Variants in TBL1X observed in about 807,000 individuals in gnomAD.
TBL1X encodes F-box-like/WD repeat-containing protein TBL1X.
In TBL1X, 10 loss-of-function variants were observed where a neutral mutation model predicts 50.7. That is an observed-to-expected ratio of 0.20 (90% CI 0.12 to 0.33). TBL1X has a LOEUF of 0.33. TBL1X is among the 10% of genes least tolerant of loss of function. The pLI, the probability that TBL1X is intolerant of heterozygous loss-of-function variation, is 1.00. For synonymous variants in TBL1X, 190 were observed against 214.7 expected, an observed-to-expected ratio of 0.88 and a Z score of 1.01; for missense variants, 340 against 504.4, an observed-to-expected ratio of 0.67 and a Z score of 3.12.
intron 2 of TBL1X, among the ~76,000 whole-genome samples, chrX:9,521,027 G>A (rs964428752): frequency 4.5e-5 from 5 of 111,570 alleles, no homozygotes; most frequent in African/African-American, 1.3e-4. Context: ...GACCCCAGGA[G>A]TTGGAGGATG....
At chrX:9,605,888 C>A (rs912207389) in intron 2 of TBL1X, among the ~76,000 whole-genome samples, 3 of 112,255 alleles carry the variant, frequency 2.7e-5, no homozygotes, top group Non-Finnish European at 3.8e-5. Flanking sequence ...TCTCTCATTT[C>A]CACCAATGCA....
chrX:9,660,371 G>T (rs1000172567), intron 5 of TBL1X, among the ~76,000 whole-genome samples: 1 of 112,327 alleles, frequency 8.9e-6, no homozygotes, highest in Non-Finnish European at 1.9e-5. Context: ...CCGGCACAGG[G>T]ATGTTACCAA....
At chrX:9,481,256 T>G (rs1020429071) in intron 1 of TBL1X, among the ~76,000 whole-genome samples, 1 of 112,467 alleles carries the variant, frequency 8.9e-6, no homozygotes, top group African/African-American at 3.2e-5. Context: ...TTACATGGAC[T>G]GAAGTAATGG....
intron 1 of TBL1X, among the ~76,000 whole-genome samples, chrX:9,487,784 C>T (rs760721018): frequency 1.8e-5 from 2 of 111,069 alleles, no homozygotes; most frequent in Non-Finnish European, 3.8e-5. Flanking sequence ...TCTTGTGTTG[C>T]ATCTTTTGGG....
chrX:9,612,382 G>C (rs893499276), intron 2 of TBL1X, among the ~76,000 whole-genome samples: 1 of 111,458 alleles, frequency 9.0e-6, no homozygotes, highest in African/African-American at 3.3e-5. Flanking sequence ...CTATCCAGTA[G>C]CAGCAGATTG....
intron 2 of TBL1X, among the ~76,000 whole-genome samples, chrX:9,588,759 C>T (rs908969554): frequency 2.7e-5 from 3 of 109,718 alleles, no homozygotes; most frequent in Non-Finnish European, 3.8e-5. Context: ...CACACCACCA[C>T]GCCCGGCTAA....
intron 2 of TBL1X, among the ~76,000 whole-genome samples, chrX:9,635,423 T>TG (rs746338678): frequency 8.3e-5 from 9 of 108,306 alleles, no homozygotes; most frequent in South Asian, 4.1e-4. Context: ...TGCTTCTGAG[T>TG]GGGAAAAAAA....
chrX:9,552,540 A>G (rs904411810), intron 2 of TBL1X, among the ~76,000 whole-genome samples: 2 of 111,703 alleles, frequency 1.8e-5, no homozygotes, highest in African/African-American at 6.5e-5. Context: ...GTAGGAGGCC[A>G]TAGACCTTGT....
In TBL1X at chrX:9,706,024, T is replaced by TG. The variant is rs945730873; in HGVS notation, c.1236+918dup. On this transcript the variant is annotated intron_variant, in intron 13 of 17. Transcript: ENST00000645353. ...GAGCAGGGGCAAGAGGTGGGAGGAGTGGGGGGGGTGTCACATACTTTTAAA... is the reference window on the plus strand; with the variant it reads ...GAGCAGGGGCAAGAGGTGGGAGGAGTGGGGGGGGGTGTCACATACTTTTAAA... Among the ~76,000 whole-genome samples, 70 of 106,856 alleles carry TG rather than the reference T, an allele frequency of 6.6e-4. No homozygotes were observed. In the East Asian group the frequency reaches 6.8e-3, roughly 10 times the overall value. The allele number at this position is 106,856 out of a possible 115,157, so 92.8% of individuals were successfully genotyped here. A position where few individuals can be genotyped will look rare whatever the true frequency, so the allele number is the denominator to read the frequency against.
At chrX:9,652,644 T>G (rs1198017552) in intron 3 of TBL1X, among the ~76,000 whole-genome samples, 1 of 109,877 alleles carries the variant, frequency 9.1e-6, no homozygotes, top group Non-Finnish European at 1.9e-5. Flanking sequence ...ATCGCTTGAG[T>G]TCAGAAGCTG....
intron 16 of TBL1X, among the ~76,000 whole-genome samples, chrX:9,712,334 T>G (rs1239448248): frequency 8.9e-6 from 1 of 111,856 alleles, no homozygotes; most frequent in Non-Finnish European, 1.9e-5. Flanking sequence ...TGTTGTTGTT[T>G]TTTGTTTTTG....
chrX:9,528,157 C>T (rs186234780), intron 2 of TBL1X, among the ~76,000 whole-genome samples: 34 of 111,218 alleles, frequency 3.1e-4, no homozygotes, highest in African/African-American at 8.8e-4. Context: ...TCCCTTCCCC[C>T]GCAGCCCCTG....
Position 9,523,960 on chromosome X carries a change from C to CTT in TBL1X, c.-131+22136_-131+22137dup, listed in dbSNP as rs63038662. Among the ~76,000 whole-genome samples, 58 of 40,811 alleles carry CTT rather than the reference C, an allele frequency of 1.4e-3. 2 individuals are homozygous for CTT. Among genetic ancestry groups the CTT allele is most frequent in the African/African-American group, 3.8e-3 (39 of 10,378 alleles). The allele number at this position is 40,811 out of a possible 115,157, so 35.4% of individuals were successfully genotyped here. ...TAATATAAAATTTAGTCATTTTAAC[C>CTT]TTTTTTTTTTTTTTTTTTTTTTTTT... On this transcript the variant is annotated intron_variant, in intron 2 of 17. Coordinates refer to ENST00000645353, the MANE Select transcript of TBL1X (RefSeq NM_005647.4).
At chrX:9,621,238 T>A (rs1445785317) in intron 2 of TBL1X, among the ~76,000 whole-genome samples, 1 of 111,723 alleles carries the variant, frequency 9.0e-6, no homozygotes, top group Non-Finnish European at 1.9e-5. Flanking sequence ...CTAGATTCGT[T>A]CACTGGAGAG....
chrX:9,586,476 G>T (rs778944735), intron 2 of TBL1X, among the ~76,000 whole-genome samples: 15 of 112,846 alleles, frequency 1.3e-4, no homozygotes, highest in Non-Finnish European at 2.1e-4. Flanking sequence ...AATGGCAGTT[G>T]CCAGGGGCTG....
At chrX:9,648,023 A>G (rs928981255) in intron 3 of TBL1X, among the ~76,000 whole-genome samples, 1 of 111,371 alleles carries the variant, frequency 9.0e-6, no homozygotes, top group Admixed American at 9.5e-5. Context: ...CAGTTTAGAG[A>G]TAAGGAAACA....
At chrX:9,469,409 C>T (rs1006955927) in intron 1 of TBL1X, among the ~76,000 whole-genome samples, 2 of 111,619 alleles carry the variant, frequency 1.8e-5, no homozygotes, top group East Asian at 2.8e-4. Flanking sequence ...GCGACCCTCC[C>T]GCCTCGGCCT....
chrX:9,473,944 G>A (rs186562229), intron 1 of TBL1X, among the ~76,000 whole-genome samples: 48 of 112,474 alleles, frequency 4.3e-4, no homozygotes, highest in African/African-American at 1.5e-3. Flanking sequence ...TACATGTCAC[G>A]GGATGCTCTG....
At chrX:9,630,135 C>T (rs2082713533) in intron 2 of TBL1X, among the ~76,000 whole-genome samples, 1 of 111,703 alleles carries the variant, frequency 9.0e-6, no homozygotes, top group African/African-American at 3.3e-5. Context: ...CTGGAGGGGC[C>T]TAATGTCTGG....
Sources: allele counts gnomAD v4.1 joint callset (sites outside exome capture counted in the v4.1 genomes callset), GRCh38; gene constraint gnomAD v4.1.1; transcripts MANE v1.5; gene names NCBI Gene and HGNC (gene_info 2026-07-23, HGNC 2026-07-21).